The following RNF121 variants were observed in gnomAD, a reference collection of about 807,000 sequenced individuals.
RNF121 encodes ring finger protein 121.
RNF121 carries 21 observed loss-of-function variants against 46.5 expected under a neutral mutation model. That is an observed-to-expected ratio of 0.45 (90% confidence interval 0.32 to 0.65). RNF121 has a LOEUF of 0.65. RNF121 is among the 30% of genes least tolerant of loss of function. The probability of loss-of-function intolerance (pLI) is 0.04; values close to 1 mark genes in which losing one functional copy is unlikely to be tolerated. For missense variants in RNF121, 346 were observed against 416.0 expected, an observed-to-expected ratio of 0.83 and a Z score of 1.46; for synonymous variants, 139 against 144.7, an observed-to-expected ratio of 0.96 and a Z score of 0.28.
intron 3 of RNF121, among the ~76,000 whole-genome samples, chr11:71,963,795 C>T (rs1954201220): frequency 6.6e-6 from 1 of 152,164 alleles, no homozygotes; most frequent in Non-Finnish European, 1.5e-5. Context: ...CGTGGCATGT[C>T]ACGACCTTGT....
chr11:71,944,382 A>G (rs1443159537), intron 1 of RNF121, among the ~76,000 whole-genome samples: 1 of 152,234 alleles, frequency 6.6e-6, no homozygotes, highest in Non-Finnish European at 1.5e-5. Flanking sequence ...TGTGCATTAT[A>G]GAAAGATCAT....
chr11:71,988,711 A>T (rs962202107), intron 5 of RNF121, among the ~76,000 whole-genome samples: 1 of 151,996 alleles, frequency 6.6e-6, no homozygotes, highest in Non-Finnish European at 1.5e-5. Context: ...ATCCCCAGCT[A>T]CTCAGGAGGC....
At position 71,996,432 on chromosome 11, in the gene RNF121, C is replaced by T. The variant is rs944078691; in HGVS notation, c.*117C>T. 1.7e-5 allele frequency: 21 copies of T among 1,258,334 alleles called. No homozygotes were observed. The African/African-American group carries it at 2.5e-4, about 15-fold the overall frequency. 77.9% of individuals were successfully genotyped at this position (1,258,334 alleles called of 1,614,324 possible). A position where few individuals can be genotyped will look rare whatever the true frequency, so the allele number is the denominator to read the frequency against. On this transcript the variant is annotated 3_prime_UTR_variant, in exon 9 of 9. Coordinates refer to ENST00000361756, the MANE Select transcript of RNF121 (RefSeq NM_018320.5). ...GACTCAAAGGGGTGCTTGGGCCACT[C>T]AGGACCCCTCTGGCTGTGTCGGACT...
chr11:71,937,557 T>C (rs1408608295), intron 1 of RNF121, among the ~76,000 whole-genome samples: 1 of 152,212 alleles, frequency 6.6e-6, no homozygotes, highest in East Asian at 1.9e-4. Flanking sequence ...CACCAGTGTG[T>C]ATGTGAACTC....
At chr11:71,945,708 T>G (rs1953697266) in intron 1 of RNF121, among the ~76,000 whole-genome samples, 1 of 152,218 alleles carries the variant, frequency 6.6e-6, no homozygotes, top group Non-Finnish European at 1.5e-5. Flanking sequence ...TCCACTAGGA[T>G]GGCTAAATGG....
At chr11:71,950,019 A>G (rs924683679) in intron 1 of RNF121, among the ~76,000 whole-genome samples, 1 of 151,808 alleles carries the variant, frequency 6.6e-6, no homozygotes, top group Admixed American at 6.6e-5. Context: ...AACAGAACAC[A>G]CACACACACA....
At chr11:71,944,824 T>C (rs1166892075) in intron 1 of RNF121, among the ~76,000 whole-genome samples, 1 of 152,232 alleles carries the variant, frequency 6.6e-6, no homozygotes, top group Non-Finnish European at 1.5e-5. Context: ...ACCCCACTGA[T>C]CTAGGCCTTC....
At chr11:71,936,099 G>C (rs1446310956) in intron 1 of RNF121, among the ~76,000 whole-genome samples, 11 of 151,858 alleles carry the variant, frequency 7.2e-5, no homozygotes, top group Admixed American at 7.2e-4. Context: ...TGCCCACCTT[G>C]GCCTCCCAGA....
intron 3 of RNF121, among the ~76,000 whole-genome samples, chr11:71,976,232 T>C (rs1954523129): frequency 6.6e-6 from 1 of 152,106 alleles, no homozygotes; most frequent in African/African-American, 2.4e-5. Flanking sequence ...GCCATGCTTA[T>C]TTGTTAGTGT....
chr11:71,963,789 G>C (rs754756205), intron 3 of RNF121, among the ~76,000 whole-genome samples: 1 of 152,108 alleles, frequency 6.6e-6, no homozygotes, highest in East Asian at 1.9e-4. Flanking sequence ...GATGGTCGTG[G>C]CATGTCACGA....
chr11:71,944,797 T>C (rs963461794), intron 1 of RNF121, among the ~76,000 whole-genome samples: 2 of 152,178 alleles, frequency 1.3e-5, no homozygotes, highest in African/African-American at 4.8e-5. Context: ...AAGGAAAAGA[T>C]AGTAGATATA....
At chr11:71,976,626 G>A (rs1954532964) in intron 3 of RNF121, among the ~76,000 whole-genome samples, 1 of 151,980 alleles carries the variant, frequency 6.6e-6, no homozygotes, top group Non-Finnish European at 1.5e-5. Flanking sequence ...CCAAAGTGCT[G>A]GGGTTACAGG....
intron 3 of RNF121, among the ~76,000 whole-genome samples, chr11:71,973,396 T>A (rs1040686318): frequency 4.0e-5 from 6 of 151,602 alleles, no homozygotes; most frequent in Non-Finnish European, 7.4e-5. Flanking sequence ...GAGGTTGAGA[T>A]GGGAGGATCA....
intron 1 of RNF121, among the ~76,000 whole-genome samples, chr11:71,954,423 C>G (rs1489811143): frequency 6.6e-6 from 1 of 152,148 alleles, no homozygotes; most frequent in Non-Finnish European, 1.5e-5. Flanking sequence ...CTTGCCCTTC[C>G]GAGCTGCCTT....
chr11:71,992,969 A>G (rs1954893523), intron 6 of RNF121, among the ~76,000 whole-genome samples: 1 of 152,190 alleles, frequency 6.6e-6, no homozygotes, highest in South Asian at 2.1e-4. Context: ...CACCCCAAGA[A>G]GGAATATTTC....
In RNF121 at chr11:71,982,919, A is replaced by G; in HGVS notation, c.398+4A>G. 6.2e-7 allele frequency: 1 copy of G among 1,603,456 alleles called. No homozygotes were observed. Among genetic ancestry groups the G allele is most frequent in the Non-Finnish European group, 8.5e-7 (1 of 1,175,464 alleles). ...CTCTAGTACAGACAACCCCAAGGTG[A>G]GAGTTTAAGTAGTGGGAAGAGCCCA... is the stretch of plus-strand genomic sequence containing the variant. On this transcript the variant is annotated splice_donor_region_variant and intron_variant, in intron 4 of 8. Transcript: ENST00000361756.
chr11:71,933,356 A>G (rs1953321967), intron 1 of RNF121, among the ~76,000 whole-genome samples: 1 of 152,226 alleles, frequency 6.6e-6, no homozygotes, highest in African/African-American at 2.4e-5. Context: ...CAGAGTTCAA[A>G]GCAGGTATCC....
At chr11:71,956,410 G>A (rs1590785905) in intron 1 of RNF121, among the ~76,000 whole-genome samples, 1 of 152,110 alleles carries the variant, frequency 6.6e-6, no homozygotes, top group Admixed American at 6.6e-5. Flanking sequence ...TTTCAACTAG[G>A]GGGACGCTAT....
intron 1 of RNF121, among the ~76,000 whole-genome samples, chr11:71,950,627 G>A (rs932834854): frequency 3.3e-5 from 5 of 151,942 alleles, no homozygotes; most frequent in African/African-American, 1.2e-4. Context: ...GTAGCATCCA[G>A]TTATACCTCA....
Sources: allele counts gnomAD v4.1 joint callset (sites outside exome capture counted in the v4.1 genomes callset), GRCh38; gene constraint gnomAD v4.1.1; transcripts MANE v1.5; gene names NCBI Gene and HGNC (gene_info 2026-07-23, HGNC 2026-07-21).